F13B: variants seen among roughly 807,000 people sequenced by gnomAD.
F13B encodes the protein coagulation factor XIII B chain, also known as TGase.
Under a neutral mutation model 79.8 loss-of-function variants are expected in F13B, and 58 were observed. The observed-to-expected ratio is 0.73, with a 90% CI of 0.59 to 0.90. The LOEUF is 0.90. Among genes scored for constraint, F13B ranks in the 40% least tolerant of loss-of-function variants. The pLI is 0.00. For synonymous variants in F13B, 283 were observed against 260.3 expected, an observed-to-expected ratio of 1.09 and a Z score of -0.84; for missense variants, 773 against 777.0, an observed-to-expected ratio of 0.99 and a Z score of 0.06.
rs573596796 is a variant in F13B, at chr1:197,056,128, A to G, written c.1172-231T>C. ...CTATACGTATTTTTCTCTTTTCTCA[A>G]TTGTGAAGGAATTATGATATACACA... is the stretch of plus-strand genomic sequence containing the variant. On this transcript the variant is annotated intron_variant, in intron 7 of 11. Coordinates refer to ENST00000367412, the MANE Select transcript of F13B (RefSeq NM_001994.3). Among the ~76,000 whole-genome samples the G allele has an allele frequency of 3.3e-5, 5 of 152,116 alleles. No homozygotes were observed. The South Asian group carries it at 8.3e-4, about 25-fold the overall frequency.
At position 197,061,873 on chromosome 1, in the gene F13B, C is replaced by G; in HGVS notation, c.362G>C (p.Gly121Ala). ...QENMRYGCAS[G>A]YKTTGGKDEE... ...ATCCTTCCCTCCAGTGGTTTTGTAC[C>G]CTGAAGCGCAACCATAACGCATGTT... The change falls in exon 3 of 12, where the codon GGG becomes GCG. Residue 121 changes from glycine to alanine, a missense_variant. Coordinates refer to ENST00000367412, the MANE Select transcript of F13B (RefSeq NM_001994.3). 1 of 1,613,206 alleles carries G rather than the reference C, an allele frequency of 6.2e-7. No homozygotes were observed. The highest frequency in any genetic ancestry group is 8.5e-7 in the Non-Finnish European group (1 of 1,179,566).
chr1:197,046,151 G>A (rs1386204821), intron 10 of F13B, among the ~76,000 whole-genome samples: 2 of 152,186 alleles, frequency 1.3e-5, no homozygotes, highest in Admixed American at 1.3e-4. Flanking sequence ...CATAGTGTTG[G>A]AAGTTCTGGC....
intron 5 of F13B, among the ~76,000 whole-genome samples, 197 bp from the exon 6 acceptor site, chr1:197,057,662 T>C (rs17549636): frequency 1.8e-3 from 270 of 152,296 alleles, no homozygotes; most frequent in African/African-American, 6.3e-3. Flanking sequence ...GTGACTTGCT[T>C]CTAGCCCACA....
At position 197,050,780 on chromosome 1, in the gene F13B, C is replaced by G; in HGVS notation, c.1655G>C (p.Arg552Thr). ...TYENGSSVEY[R>T]CFDHHFLEGS... ...TTCTAGGAAATGGTGATCAAAACAT[C>G]TGTATTCTACTGAAGAGCCATTTTC... The change falls in exon 10 of 12, where the codon AGA becomes ACA. Residue 552 changes from arginine to threonine, a missense_variant. Physicochemically the swap from Arg to Thr is moderately conservative, Grantham distance 71 (BLOSUM62 -1). Coordinates refer to ENST00000367412, the MANE Select transcript of F13B (RefSeq NM_001994.3). 1 of 1,613,354 alleles carries G rather than the reference C, an allele frequency of 6.2e-7. No individual in the cohort carries two copies.
chr1:197,066,609 T>C (rs1035600374), intron 1 of F13B, among the ~76,000 whole-genome samples: 1 of 152,180 alleles, frequency 6.6e-6, no homozygotes, highest in African/African-American at 2.4e-5. Flanking sequence ...TTTTACTCTC[T>C]AAGTGTCCCT....
intron 8 of F13B, among the ~76,000 whole-genome samples, chr1:197,053,176 C>G (rs1161193136): frequency 1.3e-5 from 2 of 152,076 alleles, no homozygotes; most frequent in Non-Finnish European, 2.9e-5. Context: ...ATGAATAAAA[C>G]CAAGACTCCT....
At position 197,039,424 on chromosome 1, in the gene F13B, AAG is replaced by A. The variant is rs764573837; in HGVS notation, c.1953-15_1953-14del. The A allele has an allele frequency of 1.1e-5, 17 of 1,608,114 alleles. No individual in the cohort carries two copies. The highest frequency in any genetic ancestry group is 1.7e-4 in the Middle Eastern group (1 of 6,040). ...ATAAGACAGAGTGCTTGAGGGGAAA[AAG>A]AGAGATTTTTGAAATAAGCATCAAT... On this transcript the variant is annotated splice_polypyrimidine_tract_variant and intron_variant, in intron 11 of 11. Coordinates refer to ENST00000367412, the MANE Select transcript of F13B (RefSeq NM_001994.3).
rs78502532 is a variant in F13B at position 197,061,356 on chromosome 1, G to T, written c.452-281C>A. The stretch of plus-strand genomic sequence containing the variant: ...TGCAGTAGCAATTGTGAAAGTATGT[G>T]CTGTCTATGCATTTTTACAATTTAA... On this transcript the variant is annotated intron_variant, in intron 3 of 11. Transcript: ENST00000367412. Among the ~76,000 whole-genome samples the T allele has an allele frequency of 5.9e-3, 904 of 152,150 alleles. 16 individuals carry two copies. The highest frequency in any genetic ancestry group is 0.021 in the African/African-American group (867 of 41,554).
intron 9 of F13B, among the ~76,000 whole-genome samples, chr1:197,051,236 A>G (rs1407431297): frequency 6.6e-6 from 1 of 152,156 alleles, no homozygotes; most frequent in Admixed American, 6.6e-5. Context: ...GCAGTTCTCA[A>G]ATATTTTTAA....
In F13B at chr1:197,052,826, T is replaced by C; in HGVS notation, c.1363A>G (p.Thr455Ala). ...CTGTTCATGTAATCCACATTAACAGTACATGGTTCTGTAAAACAAAATGCT... is the reference window on the plus strand; with the variant it reads ...CTGTTCATGTAATCCACATTAACAGCACATGGTTCTGTAAAACAAAATGCT... ...SSPPVCLEPC[T>A]VNVDYMNRNN... The change falls in exon 9 of 12, where the codon ACT (threonine) becomes GCT (alanine). Residue 455 changes from threonine (T) to alanine (A), a missense_variant. Transcript: ENST00000367412. 2 of 1,605,836 alleles carry C rather than the reference T, an allele frequency of 1.2e-6. No homozygotes were observed. The highest frequency in any genetic ancestry group is 1.3e-5 in the African/African-American group (1 of 74,804).
chr1:197,066,629 A>C (rs1308673277), intron 1 of F13B, among the ~76,000 whole-genome samples: 1 of 152,200 alleles, frequency 6.6e-6, no homozygotes, highest in Non-Finnish European at 1.5e-5. Context: ...TGTTTGTACA[A>C]GCAATTATAT....
At chr1:197,062,770 C>A in intron 2 of F13B, 87 bp downstream of exon 2, 1 of 1,320,104 alleles carries the variant, frequency 7.6e-7, no homozygotes, top group Non-Finnish European at 1.1e-6. Flanking sequence ...AAAGGTTTAA[C>A]CGCTTTCCAT....
chr1:197,042,219 C>T (rs1178940039), intron 10 of F13B, among the ~76,000 whole-genome samples: 1 of 152,088 alleles, frequency 6.6e-6, no homozygotes, highest in Non-Finnish European at 1.5e-5. Flanking sequence ...GGAAGTGCTA[C>T]AGGTGATGAA....
Position 197,050,640 on chromosome 1 carries a change from C to G in F13B, c.1738+57G>C, listed in dbSNP as rs1045424542. The G allele has an allele frequency of 2.0e-6, 3 of 1,489,730 alleles. No individual in the cohort carries two copies. In the African/African-American group the frequency reaches 4.2e-5, roughly 21 times the overall value. 92.3% of individuals were successfully genotyped at this position (1,489,730 alleles called of 1,614,324 possible). The stretch of plus-strand genomic sequence containing the variant: ...TAGTGTTATGTTAACTCAAAAATGA[C>G]AGCAAATTAAAAATATATAGTTTTA... On this transcript the variant is annotated intron_variant, in intron 10 of 11. Coordinates refer to ENST00000367412, the MANE Select transcript of F13B (RefSeq NM_001994.3).
Position 197,039,403 on chromosome 1 carries a change from G to A in F13B, c.1961C>T (p.Ser654Phe), listed in dbSNP as rs561359007. The change falls in exon 12 of 12, where the codon TCT (serine) becomes TTT (phenylalanine). Residue 654 changes from serine to phenylalanine, a missense_variant. Physicochemically the swap from Ser to Phe is radical, Grantham distance 155 (BLOSUM62 -2). Transcript: ENST00000367412. Reference protein sequence around the residue: ...PRCIPRQSTLSYQEPLRT With the variant: ...PRCIPRQSTLFYQEPLRT Reference sequence around the variant, plus strand: ...CTATGTTCTTAAGGGTTCTTGATAAGACAGAGTGCTTGAGGGGAAAAAGAG... The same window carrying A: ...CTATGTTCTTAAGGGTTCTTGATAAAACAGAGTGCTTGAGGGGAAAAAGAG... The A allele has an allele frequency of 1.0e-3, 1,626 of 1,610,346 alleles. 23 individuals are homozygous for A. The South Asian group carries it at 0.017, about 17-fold the overall frequency.
intron 10 of F13B, among the ~76,000 whole-genome samples, chr1:197,043,940 C>A (rs887842098): frequency 3.3e-5 from 5 of 151,986 alleles, no homozygotes; most frequent in Non-Finnish European, 7.4e-5. Flanking sequence ...ATGCTACTAA[C>A]TTGAAGAACA....
chr1:197,060,737 CT>C (rs1655823661), intron 4 of F13B, among the ~76,000 whole-genome samples, 161 bp downstream of exon 4: 1 of 152,020 alleles, frequency 6.6e-6, no homozygotes, highest in African/African-American at 2.4e-5. Flanking sequence ...ATTTATTCTA[CT>C]TGAGAGCTTT....
At chr1:197,043,674 A>C (rs1284228821) in intron 10 of F13B, among the ~76,000 whole-genome samples, 2 of 152,184 alleles carry the variant, frequency 1.3e-5, no homozygotes, top group Non-Finnish European at 2.9e-5. Flanking sequence ...ATCTAAAGAG[A>C]GGATTGTTAA....
At chr1:197,064,324 C>CA in intron 1 of F13B, among the ~76,000 whole-genome samples, 1 of 151,884 alleles carries the variant, frequency 6.6e-6, no homozygotes, top group Non-Finnish European at 1.5e-5. Flanking sequence ...TACCAAAAGA[C>CA]ATGGAAAAAA....
Sources: gnomAD v4.1 joint callset for allele counts (sites outside exome capture counted in the v4.1 genomes callset) on GRCh38, gnomAD v4.1.1 for gene constraint, MANE v1.5 for transcripts, NCBI Gene and HGNC (gene_info 2026-07-23, HGNC 2026-07-21) for gene names.